The following PTPRQ variants were observed in gnomAD, a reference collection of about 807,000 sequenced individuals.
The protein encoded by PTPRQ is protein tyrosine phosphatase receptor type Q, also known as phosphatidylinositol phosphatase PTPRQ.
PTPRQ carries 199 observed loss-of-function variants against 246.0 expected under a neutral mutation model. That is an observed-to-expected ratio of 0.81 (90% confidence interval 0.72 to 0.91). The LOEUF is 0.91. Ranked by LOEUF, PTPRQ falls within the 40% of genes least tolerant of loss-of-function variation. The pLI is 0.00. For missense variants in PTPRQ, 2,624 were observed against 2,528.4 expected, an observed-to-expected ratio of 1.04 and a Z score of -0.81; for synonymous variants, 869 against 853.2, an observed-to-expected ratio of 1.02 and a Z score of -0.32.
rs1896317293 is a variant in PTPRQ at position 80,546,663 on chromosome 12, T to C, written c.3981T>C (p.Phe1327=). 1 of 1,551,450 alleles carries C rather than the reference T, an allele frequency of 6.4e-7. No individual in the cohort carries two copies. Among genetic ancestry groups the C allele is most frequent in the Non-Finnish European group, 8.7e-7 (1 of 1,146,854 alleles). ...CCAAAGTTGGAAATGGCAATCAATT[T>C]AGTAATGTAGTAAAATTCACAACCC... The part of the protein sequence containing the change: ...AFTKVGNGNQ[F]SNVVKFTTQE... Residue 1327 remains phenylalanine (F), a synonymous_variant, in exon 24 of 45, where the codon TTT becomes TTC. Coordinates refer to ENST00000644991, the MANE Select transcript of PTPRQ (RefSeq NM_001145026.2).
intron 35 of PTPRQ, among the ~76,000 whole-genome samples, chr12:80,640,914 A>G (rs966826675): frequency 6.6e-6 from 1 of 152,188 alleles, no homozygotes; most frequent in African/African-American, 2.4e-5. Context: ...TTAAGTTTGC[A>G]CCTAGATTCC....
intron 39 of PTPRQ, among the ~76,000 whole-genome samples, chr12:80,667,894 G>A (rs1440576616): frequency 1.3e-5 from 2 of 151,916 alleles, no homozygotes; most frequent in Admixed American, 1.3e-4. Context: ...AGTATACTGT[G>A]TATTTAAGAG....
chr12:80,454,767 CT>C lies in PTPRQ; in HGVS notation c.391-2805del, dbSNP rs1324889273. Among the ~76,000 whole-genome samples the C allele has an allele frequency of 1.9e-3, 296 of 152,044 alleles. 4 individuals carry two copies. The highest frequency in any genetic ancestry group is 6.7e-3 in the African/African-American group (277 of 41,452). On this transcript the variant is annotated intron_variant, in intron 3 of 44. Coordinates refer to ENST00000644991, the MANE Select transcript of PTPRQ (RefSeq NM_001145026.2). ...TGGGAGAAAAATATTGAAAAAAAAA[CT>C]TTAAGTTTAATAAAAAAGTAGAATA...
rs550268763 is a variant in PTPRQ, at chr12:80,566,747, C to G, written c.4285+17013C>G. Among the ~76,000 whole-genome samples the G allele has an allele frequency of 2.6e-5, 4 of 152,184 alleles. No individual in the cohort carries two copies. The South Asian group carries it at 8.3e-4, about 32-fold the overall frequency. On this transcript the variant is annotated intron_variant, in intron 25 of 44. Transcript: ENST00000644991. The stretch of plus-strand genomic sequence containing the variant: ...TTGAGACAAGATCTCACTATGTTGC[C>G]TAGGCTGGTCTCAAACCACTGAACT...
chr12:80,455,146 C>T (rs1481384336), intron 3 of PTPRQ, among the ~76,000 whole-genome samples: 2 of 152,138 alleles, frequency 1.3e-5, no homozygotes, highest in East Asian at 3.8e-4. Flanking sequence ...GCACTCCAGC[C>T]TGGACAACAA....
At chr12:80,472,293 A>G (rs1293466323) in intron 8 of PTPRQ, 42 bp downstream of exon 8, 12 of 1,540,768 alleles carry the variant, frequency 7.8e-6, no homozygotes, top group Non-Finnish European at 1.7e-6. Context: ...TGGTATGCTT[A>G]TGAACTTCAT....
chr12:80,541,129 C>G (rs911544555), intron 20 of PTPRQ, among the ~76,000 whole-genome samples: 1 of 151,990 alleles, frequency 6.6e-6, no homozygotes, highest in Admixed American at 6.6e-5. Flanking sequence ...GGAGAAGTAA[C>G]TTAATGGCTG....
At chr12:80,482,271 G>T (rs1046688018) in intron 8 of PTPRQ, among the ~76,000 whole-genome samples, 1 of 150,954 alleles carries the variant, frequency 6.6e-6, no homozygotes, top group South Asian at 2.1e-4. Flanking sequence ...ACAAGCAATG[G>T]GGAAAGGATT....
At chr12:80,519,220 C>T (rs531650047) in intron 17 of PTPRQ, among the ~76,000 whole-genome samples, 31 of 152,038 alleles carry the variant, frequency 2.0e-4, no homozygotes, top group African/African-American at 3.1e-4. Flanking sequence ...TTATTTTAAA[C>T]GAAACTTTTT....
At chr12:80,607,461 T>TCCTTCCTTCCTTCCTC (rs1555205013) in intron 27 of PTPRQ, among the ~76,000 whole-genome samples, 6 of 139,726 alleles carry the variant, frequency 4.3e-5, no homozygotes, top group African/African-American at 1.5e-4. Flanking sequence ...CTTCCTTCCT[T>TCCTTCCTTCCTTCCTC]CCTCCCTCCC....
At chr12:80,596,848 A>G (rs1239138925) in intron 26 of PTPRQ, among the ~76,000 whole-genome samples, 2 of 152,096 alleles carry the variant, frequency 1.3e-5, no homozygotes, top group Non-Finnish European at 2.9e-5. Context: ...GTTCATGCCT[A>G]GTAAATCAAT....
At chr12:80,522,694 T>G (rs1345650208) in intron 17 of PTPRQ, among the ~76,000 whole-genome samples, 1 of 152,228 alleles carries the variant, frequency 6.6e-6, no homozygotes, top group Non-Finnish European at 1.5e-5. Context: ...GAGCCAGCCT[T>G]GCATCCCAGG....
At chr12:80,587,751 T>C (rs1296245623) in intron 25 of PTPRQ, among the ~76,000 whole-genome samples, 1 of 152,184 alleles carries the variant, frequency 6.6e-6, no homozygotes, top group Non-Finnish European at 1.5e-5. Flanking sequence ...GTATCTTCCC[T>C]TGGAACTGAA....
intron 16 of PTPRQ, among the ~76,000 whole-genome samples, chr12:80,507,389 A>G (rs185233258): frequency 1.3e-5 from 2 of 152,130 alleles, no homozygotes; most frequent in East Asian, 3.9e-4. Context: ...CCTATTTCCA[A>G]GAAGGGTAGG....
chr12:80,664,165 G>A (rs1000929913), intron 39 of PTPRQ, among the ~76,000 whole-genome samples: 1 of 151,822 alleles, frequency 6.6e-6, no homozygotes, highest in Admixed American at 6.6e-5. Flanking sequence ...TAAACTCATG[G>A]CCACTAACCT....
Position 80,613,789 on chromosome 12 carries a change from A to G in PTPRQ, c.5116A>G (p.Ile1706Val), listed in dbSNP as rs1898645270. Residue 1706 changes from isoleucine (I) to valine (V), a missense_variant, in exon 29 of 45, where the codon ATT becomes GTT. Coordinates refer to ENST00000644991, the MANE Select transcript of PTPRQ (RefSeq NM_001145026.2). The part of the protein sequence containing the change: ...SIIQKTNTFV[I>V]AMLEGLKGGH... ...TATACAGAAAACCAACACATTCGTC[A>G]TTGCAATGCTAGAAGGACTAAAAGG... is the stretch of plus-strand genomic sequence containing the variant. 2 of 1,542,362 alleles carry G rather than the reference A, an allele frequency of 1.3e-6. No homozygotes were observed. Among genetic ancestry groups the G allele is most frequent in the Non-Finnish European group, 1.8e-6 (2 of 1,141,382 alleles).
intron 19 of PTPRQ, among the ~76,000 whole-genome samples, chr12:80,537,746 T>G (rs1896030296): frequency 6.6e-6 from 1 of 152,198 alleles, no homozygotes; most frequent in Admixed American, 6.5e-5. Context: ...GCATATTAAC[T>G]TTTCTACTTT....
Position 80,484,468 on chromosome 12 carries a change from G to A in PTPRQ, c.1222G>A (p.Val408Ile), listed in dbSNP as rs1164500954. The A allele has an allele frequency of 3.2e-6, 5 of 1,550,356 alleles. No individual in the cohort carries two copies. The highest frequency in any genetic ancestry group is 4.4e-6 in the Non-Finnish European group (5 of 1,146,630). Residue 408 changes from valine to isoleucine, a missense_variant, in exon 9 of 45, where the codon GTA becomes ATA. Transcript: ENST00000644991. Reference protein sequence around the residue: ...GAVFDLQLAEVESTQVRITWK... With the variant: ...GAVFDLQLAEIESTQVRITWK... ...AGTGTTTGATTTACAACTTGCAGAGGTAGAATCCACGCAAGTAAGAATTAC... is the reference window on the plus strand; with the variant it reads ...AGTGTTTGATTTACAACTTGCAGAGATAGAATCCACGCAAGTAAGAATTAC...
chr12:80,450,245 T>A (rs1892709248), intron 3 of PTPRQ, among the ~76,000 whole-genome samples: 1 of 152,202 alleles, frequency 6.6e-6, no homozygotes, highest in African/African-American at 2.4e-5. Context: ...GAGACTTTGC[T>A]GAAGTTGCCT....
Sources: allele counts gnomAD v4.1 joint callset (sites outside exome capture counted in the v4.1 genomes callset), GRCh38; gene constraint gnomAD v4.1.1; transcripts MANE v1.5; gene names NCBI Gene and HGNC (gene_info 2026-07-23, HGNC 2026-07-21).